The following SLC12A1 variants were observed in gnomAD, a reference collection of about 807,000 sequenced individuals.
SLC12A1 encodes the protein solute carrier family 12 member 1.
In SLC12A1, 89 loss-of-function variants were observed where a neutral mutation model predicts 130.4. The ratio of observed to expected loss-of-function variants is 0.68; its 90% CI spans 0.58 to 0.81. The LOEUF is 0.81. Ranked by LOEUF, SLC12A1 falls within the 40% of genes least tolerant of loss-of-function variation. The pLI is 0.00. For missense variants in SLC12A1, 1,310 were observed against 1,336.4 expected, an observed-to-expected ratio of 0.98 and a Z score of 0.31; for synonymous variants, 499 against 460.0, an observed-to-expected ratio of 1.08 and a Z score of -1.09.
At chr15:48,241,948 A>G (rs1597420506) in intron 10 of SLC12A1, among the ~76,000 whole-genome samples, 2 of 152,196 alleles carry the variant, frequency 1.3e-5, no homozygotes, top group East Asian at 1.9e-4. Context: ...GGAGAGAAAC[A>G]GAGTAGAGAA....
rs139859088 is a variant in SLC12A1, at chr15:48,287,698, G to A, written c.2630-345G>A. ...ATTTATATCTGAGATTTTGGGAAAT[G>A]TGGATATTCTGGCTAGTAGCATTGT... On this transcript the variant is annotated intron_variant, in intron 21 of 26. Coordinates refer to ENST00000380993, the MANE Select transcript of SLC12A1 (RefSeq NM_000338.3). 6.1e-3 allele frequency among the ~76,000 whole-genome samples: 923 copies of A among 152,282 alleles called. 27 individuals carry two copies. The highest frequency in any genetic ancestry group is 0.034 in the East Asian group (178 of 5,194).
intron 18 of SLC12A1, among the ~76,000 whole-genome samples, chr15:48,269,154 A>G (rs1240071560): frequency 6.6e-6 from 1 of 152,228 alleles, no homozygotes; most frequent in African/African-American, 2.4e-5. Flanking sequence ...GCTATTAATG[A>G]TACTGTCACA....
intron 16 of SLC12A1, among the ~76,000 whole-genome samples, chr15:48,256,306 T>C (rs1434222532): frequency 6.6e-6 from 1 of 152,384 alleles, no homozygotes; most frequent in East Asian, 1.9e-4. Context: ...TCATTAGTTG[T>C]ATCTTATTTT....
chr15:48,256,825 C>A (rs1025252368), intron 16 of SLC12A1, among the ~76,000 whole-genome samples: 14 of 140,346 alleles, frequency 1.0e-4, no homozygotes, highest in South Asian at 2.7e-4. Context: ...ATCCCTGGCC[C>A]CCCCCCCCAA....
chr15:48,254,380 C>T lies in SLC12A1; in HGVS notation c.1943-1431C>T, dbSNP rs531530456. Among the ~76,000 whole-genome samples, 444 of 151,946 alleles carry T rather than the reference C, an allele frequency of 2.9e-3. 4 individuals carry two copies. The highest frequency in any genetic ancestry group is 0.01 in the African/African-American group (425 of 41,462). On this transcript the variant is annotated intron_variant, in intron 15 of 26. Coordinates refer to ENST00000380993, the MANE Select transcript of SLC12A1 (RefSeq NM_000338.3). Reference sequence around the variant, plus strand: ...TTTTTATCCCTATAAAAATAAACAGCCTAAGGTATGCTTAATGCCTGATGC... The same window carrying T: ...TTTTTATCCCTATAAAAATAAACAGTCTAAGGTATGCTTAATGCCTGATGC...
At chr15:48,239,335 A>ACCGT (rs982063913) in intron 9 of SLC12A1, among the ~76,000 whole-genome samples, 1 of 151,878 alleles carries the variant, frequency 6.6e-6, no homozygotes, top group African/African-American at 2.4e-5. Context: ...ACATGGCAAA[A>ACCGT]CCGTGTCTCT....
At chr15:48,298,826 T>C (rs1192208344) in intron 24 of SLC12A1, among the ~76,000 whole-genome samples, 1 of 152,234 alleles carries the variant, frequency 6.6e-6, no homozygotes, top group Non-Finnish European at 1.5e-5. Context: ...AAAATGTCTT[T>C]GCAGAACAAT....
chr15:48,229,392 G>A, intron 6 of SLC12A1, 64 bp downstream of exon 6: 1 of 1,472,340 alleles, frequency 6.8e-7, no homozygotes, highest in Non-Finnish European at 9.3e-7. Context: ...GCCTTCTCAG[G>A]GCACTAAGGG....
chr15:48,267,305 T>G (rs1457233012), intron 17 of SLC12A1, among the ~76,000 whole-genome samples: 1 of 152,198 alleles, frequency 6.6e-6, no homozygotes, highest in Non-Finnish European at 1.5e-5. Context: ...CAACTCTTCC[T>G]TTCATTCAGT....
intron 20 of SLC12A1, among the ~76,000 whole-genome samples, chr15:48,275,166 T>C (rs2041938591): frequency 1.3e-5 from 2 of 152,202 alleles, no homozygotes. Flanking sequence ...GAGAATTTGG[T>C]ATATTTGCTT....
chr15:48,239,646 G>C (rs114995393), intron 9 of SLC12A1, among the ~76,000 whole-genome samples: 27 of 152,050 alleles, frequency 1.8e-4, no homozygotes, highest in African/African-American at 6.3e-4. Flanking sequence ...AGTTTTTGGG[G>C]TGTTTGTTTG....
At chr15:48,277,044 G>A (rs2041960878) in intron 20 of SLC12A1, among the ~76,000 whole-genome samples, 1 of 152,198 alleles carries the variant, frequency 6.6e-6, no homozygotes. Context: ...GAGACTATCA[G>A]ATGAACAAGC....
At chr15:48,301,677 C>G (rs2042235424) in intron 26 of SLC12A1, among the ~76,000 whole-genome samples, 1 of 152,024 alleles carries the variant, frequency 6.6e-6, no homozygotes, top group Admixed American at 6.6e-5. Flanking sequence ...ATCTGAGACC[C>G]TGGATTTCTC....
At position 48,301,388 on chromosome 15, in the gene SLC12A1, T is replaced by A; in HGVS notation, c.3164+6T>A. ...GCTGCTAATCTCATTGTCCTGTAAG[T>A]ATCATTGCAAGCATTGAAGAACATT... On this transcript the variant is annotated splice_donor_region_variant and intron_variant, in intron 26 of 26. Coordinates refer to ENST00000380993, the MANE Select transcript of SLC12A1 (RefSeq NM_000338.3). The A allele has an allele frequency of 6.4e-7, 1 of 1,565,498 alleles. No individual in the cohort carries two copies. Among genetic ancestry groups the A allele is most frequent in the Non-Finnish European group, 8.7e-7 (1 of 1,149,506 alleles).
chr15:48,292,350 G>T (rs1393665292), intron 24 of SLC12A1, among the ~76,000 whole-genome samples: 1 of 152,128 alleles, frequency 6.6e-6, no homozygotes, highest in South Asian at 2.1e-4. Context: ...AACAGGGAAG[G>T]CCTATGAATT....
At chr15:48,250,725 CAG>C (rs1273165637) in intron 14 of SLC12A1, among the ~76,000 whole-genome samples, 3 of 147,140 alleles carry the variant, frequency 2.0e-5, no homozygotes, top group Non-Finnish European at 3.0e-5. Flanking sequence ...AAGCCAGACT[CAG>C]AGAAAAATAA....
At chr15:48,225,738 G>C (rs1002949246) in intron 4 of SLC12A1, 1 of 184,370 alleles carries the variant, frequency 5.4e-6, no homozygotes, top group Admixed American at 6.5e-5. Context: ...TAGCCAACTT[G>C]TTAAACTCAA....
intron 24 of SLC12A1, among the ~76,000 whole-genome samples, chr15:48,298,224 C>G (rs941591729): frequency 6.6e-6 from 1 of 152,084 alleles, no homozygotes; most frequent in Non-Finnish European, 1.5e-5. Context: ...TATAACTAAG[C>G]TACATTATAT....
At chr15:48,290,589 C>T (rs541834800) in intron 23 of SLC12A1, among the ~76,000 whole-genome samples, 3 of 152,232 alleles carry the variant, frequency 2.0e-5, no homozygotes, top group South Asian at 2.1e-4. Context: ...ACAACAGCTA[C>T]GACATCACTA....
Sources: gnomAD v4.1 joint callset for allele counts (sites outside exome capture counted in the v4.1 genomes callset) on GRCh38, gnomAD v4.1.1 for gene constraint, MANE v1.5 for transcripts, NCBI Gene and HGNC (gene_info 2026-07-23, HGNC 2026-07-21) for gene names.